Variants in SMIM3 observed in about 807,000 individuals in gnomAD.
The protein encoded by SMIM3 is NGF-induced differentiation clone 67 protein.
A neutral mutation model predicts 2.1 loss-of-function variants in SMIM3; 4 were observed. The observed-to-expected ratio is 1.89, with a 90% CI of 0.93 to 4.31. The LOEUF is 4.31. Among genes scored for constraint, SMIM3 ranks in the 30% most tolerant of loss-of-function variants. The pLI, the probability that SMIM3 is intolerant of heterozygous loss-of-function variation, is 0.01. For synonymous variants in SMIM3, 29 were observed against 30.8 expected, an observed-to-expected ratio of 0.94 and a Z score of 0.19; for missense variants, 79 against 77.7, an observed-to-expected ratio of 1.02 and a Z score of -0.06.
chr5:150,796,179 C>T lies in SMIM3; in HGVS notation c.*556C>T, dbSNP rs1753406323. 6.5e-6 allele frequency: 1 copy of T among 154,292 alleles called. No homozygotes were observed. Among genetic ancestry groups the T allele is most frequent in the Non-Finnish European group, 1.5e-5 (1 of 68,952 alleles). 9.6% of individuals were successfully genotyped at this position (154,292 alleles called of 1,614,324 possible). A position where few individuals can be genotyped will look rare whatever the true frequency, so the allele number is the denominator to read the frequency against. The stretch of plus-strand genomic sequence containing the variant: ...TGGGTAGAGCTTTCCAGAACCTTCT[C>T]CATTCCAGAATCTCTGCCCCTGTGT... On this transcript the variant is annotated 3_prime_UTR_variant, in exon 2 of 2. Coordinates refer to ENST00000526627, the MANE Select transcript of SMIM3 (RefSeq NM_032947.5).
chr5:150,782,119 G>C (rs1753242164), intron 1 of SMIM3, among the ~76,000 whole-genome samples: 1 of 152,228 alleles, frequency 6.6e-6, no homozygotes, highest in African/African-American at 2.4e-5. Flanking sequence ...AATGAGAACA[G>C]AGTGCTCCTT....
chr5:150,781,260 T>C (rs1212157807), intron 1 of SMIM3, among the ~76,000 whole-genome samples: 1 of 152,186 alleles, frequency 6.6e-6, no homozygotes, highest in Non-Finnish European at 1.5e-5. Context: ...ACTTTCAGGG[T>C]GACCTGAGAG....
chr5:150,789,771 T>C (rs1346681679), intron 1 of SMIM3, among the ~76,000 whole-genome samples: 1 of 152,142 alleles, frequency 6.6e-6, no homozygotes, highest in African/African-American at 2.4e-5. Context: ...TATGGTGTAG[T>C]ATTATTTTTA....
intron 1 of SMIM3, among the ~76,000 whole-genome samples, chr5:150,793,710 A>G (rs1753371661): frequency 6.6e-6 from 1 of 152,240 alleles, no homozygotes; most frequent in South Asian, 2.1e-4. Flanking sequence ...ACCTGAAACT[A>G]TAAAAATTCT....
At chr5:150,795,295 A>G in intron 1 of SMIM3, 135 bp from the exon 2 acceptor site, 1 of 882,956 alleles carries the variant, frequency 1.1e-6, no homozygotes. Flanking sequence ...AAGCCATTGT[A>G]ATTACTAATC....
chr5:150,782,862 C>T (rs142846701), intron 1 of SMIM3, among the ~76,000 whole-genome samples: 211 of 152,244 alleles, frequency 1.4e-3, no homozygotes, highest in African/African-American at 4.8e-3. Flanking sequence ...ATATGCCAGG[C>T]CCTGTGATAG....
At chr5:150,791,477 A>G (rs1000625864) in intron 1 of SMIM3, among the ~76,000 whole-genome samples, 1 of 152,066 alleles carries the variant, frequency 6.6e-6, no homozygotes, top group Non-Finnish European at 1.5e-5. Context: ...TGATATTTTT[A>G]GCTTCCATAT....
At chr5:150,790,897 T>C (rs963926683) in intron 1 of SMIM3, among the ~76,000 whole-genome samples, 1 of 152,162 alleles carries the variant, frequency 6.6e-6, no homozygotes, top group African/African-American at 2.4e-5. Flanking sequence ...TCTCTTAATT[T>C]TATTTGATTT....
chr5:150,781,635 G>T (rs181508441), intron 1 of SMIM3, among the ~76,000 whole-genome samples: 2 of 152,152 alleles, frequency 1.3e-5, no homozygotes, highest in Non-Finnish European at 2.9e-5. Flanking sequence ...AGATGTCTTT[G>T]GTGGTGGTGG....
intron 1 of SMIM3, among the ~76,000 whole-genome samples, chr5:150,793,886 C>T (rs567401695): frequency 6.6e-6 from 1 of 152,256 alleles, no homozygotes; most frequent in East Asian, 1.9e-4. Context: ...AAACAGACAA[C>T]CCACAGAGTG....
intron 1 of SMIM3, among the ~76,000 whole-genome samples, chr5:150,783,816 T>C (rs1214897339): frequency 6.6e-6 from 1 of 152,110 alleles, no homozygotes; most frequent in African/African-American, 2.4e-5. Flanking sequence ...AAAATTTTTT[T>C]ACTTAAAAAA....
intron 1 of SMIM3, among the ~76,000 whole-genome samples, chr5:150,795,060 A>T (rs952807525): frequency 1.3e-5 from 2 of 152,134 alleles, no homozygotes; most frequent in African/African-American, 4.8e-5. Flanking sequence ...TTGGAGTCCC[A>T]CCCATCTGGG....
chr5:150,778,926 A>T lies in SMIM3; in HGVS notation c.-58A>T, dbSNP rs759045411. ...GTCCTGGGGACCCTGAGAAGCACCG[A>T]GCCATCCCTGACCCAGGAACTTTCC... is the stretch of plus-strand genomic sequence containing the variant. On this transcript the variant is annotated 5_prime_UTR_variant, in exon 1 of 2. Transcript: ENST00000526627. 5.8e-6 allele frequency: 3 copies of T among 515,640 alleles called. No homozygotes were observed. In the East Asian group the frequency reaches 1.7e-4, roughly 30 times the overall value. The allele number at this position is 515,640 out of a possible 1,614,324, so 31.9% of individuals were successfully genotyped here.
At chr5:150,785,728 G>A (rs766046136) in intron 1 of SMIM3, among the ~76,000 whole-genome samples, 5 of 151,700 alleles carry the variant, frequency 3.3e-5, no homozygotes, top group African/African-American at 7.3e-5. Flanking sequence ...GACTACAGAC[G>A]TGTGCCACAA....
chr5:150,779,156 T>C (rs1309207549), intron 1 of SMIM3, among the ~76,000 whole-genome samples, 184 bp downstream of exon 1: 1 of 152,162 alleles, frequency 6.6e-6, no homozygotes, highest in East Asian at 1.9e-4. Flanking sequence ...CCCCTCCTTT[T>C]TCTCCTGCTG....
intron 1 of SMIM3, among the ~76,000 whole-genome samples, chr5:150,792,891 A>G (rs1753362679): frequency 6.6e-6 from 1 of 152,248 alleles, no homozygotes; most frequent in Non-Finnish European, 1.5e-5. Context: ...CTGGGCAAAA[A>G]TTAATGTGAA....
At chr5:150,779,510 A>C (rs1262101545) in intron 1 of SMIM3, among the ~76,000 whole-genome samples, 1 of 152,088 alleles carries the variant, frequency 6.6e-6, no homozygotes, top group Non-Finnish European at 1.5e-5. Context: ...TAACTGCTTC[A>C]CCATCCTTGT....
chr5:150,793,034 A>ATTT (rs146188496), intron 1 of SMIM3, among the ~76,000 whole-genome samples: 22 of 148,738 alleles, frequency 1.5e-4, no homozygotes, highest in African/African-American at 4.7e-4. Context: ...ATTTGCGTGT[A>ATTT]TTTTTTTTTT....
intron 1 of SMIM3, among the ~76,000 whole-genome samples, chr5:150,787,384 C>T (rs953223351): frequency 2.0e-5 from 3 of 152,186 alleles, no homozygotes; most frequent in South Asian, 2.1e-4. Flanking sequence ...TTACCAGAAT[C>T]GGAAGTCCTG....
Sources: allele counts gnomAD v4.1 joint callset (sites outside exome capture counted in the v4.1 genomes callset), GRCh38; gene constraint gnomAD v4.1.1; transcripts MANE v1.5; gene names NCBI Gene and HGNC (gene_info 2026-07-23, HGNC 2026-07-21).